ASXL3: variants seen among roughly 807,000 people sequenced by gnomAD.
ASXL3 encodes the protein putative Polycomb group protein ASXL3.
A neutral mutation model predicts 170.6 loss-of-function variants in ASXL3; 34 were observed. That is an observed-to-expected ratio of 0.20 (90% CI 0.15 to 0.27). The LOEUF is 0.27. Ranked by LOEUF, ASXL3 falls within the 10% of genes least tolerant of loss-of-function variation. The pLI, the probability that ASXL3 is intolerant of heterozygous loss-of-function variation, is 1.00. For missense variants in ASXL3, 2,592 were observed against 2,695.3 expected (o/e 0.96, Z 0.85); for synonymous variants, 1,002 against 989.1 (o/e 1.01, Z -0.24).
At chr18:33,600,303 C>T (rs2065170807) in intron 1 of ASXL3, among the ~76,000 whole-genome samples, 1 of 152,032 alleles carries the variant, frequency 6.6e-6, no homozygotes, top group South Asian at 2.1e-4. Context: ...GCCTTTTGAC[C>T]TTACGTGATA....
At chr18:33,662,193 A>T (rs575231146) in intron 5 of ASXL3, among the ~76,000 whole-genome samples, 77 of 152,278 alleles carry the variant, frequency 5.1e-4, no homozygotes, top group Non-Finnish European at 7.4e-4. Context: ...ATATTCATTT[A>T]TGAGTGTTGT....
intron 2 of ASXL3, among the ~76,000 whole-genome samples, chr18:33,637,498 T>C (rs560220348): frequency 6.6e-6 from 1 of 152,182 alleles, no homozygotes; most frequent in Non-Finnish European, 1.5e-5. Context: ...TGGTGGAGTA[T>C]TGACCATTGC....
intron 8 of ASXL3, among the ~76,000 whole-genome samples, chr18:33,684,236 T>A (rs2066557296): frequency 6.6e-6 from 1 of 152,206 alleles, no homozygotes; most frequent in Non-Finnish European, 1.5e-5. Context: ...CAAAATTTAT[T>A]AAGTGCTGTC....
At position 33,746,730 on chromosome 18, in the gene ASXL3, G is replaced by T; in HGVS notation, c.*135G>T. 7.3e-7 allele frequency: 1 copy of T among 1,373,318 alleles called. No individual in the cohort carries two copies. The highest frequency in any genetic ancestry group is 9.6e-7 in the Non-Finnish European group (1 of 1,043,842). The allele number at this position is 1,373,318 out of a possible 1,614,324, so 85.1% of individuals were successfully genotyped here. A position where few individuals can be genotyped will look rare whatever the true frequency, so the allele number is the denominator to read the frequency against. ...TTGGAGCAGGTACCTTTCCTCTATG[G>T]CATTATTTTCTTGCATTTCTCATAA... On this transcript the variant is annotated 3_prime_UTR_variant, in exon 12 of 12. Transcript: ENST00000269197.
intron 4 of ASXL3, among the ~76,000 whole-genome samples, chr18:33,658,851 A>G (rs932487940): frequency 2.0e-5 from 3 of 152,086 alleles, no homozygotes; most frequent in African/African-American, 7.2e-5. Context: ...AAAATGAATC[A>G]TTTTTAGAAC....
intron 8 of ASXL3, among the ~76,000 whole-genome samples, chr18:33,715,855 T>C (rs2067155986): frequency 6.6e-6 from 1 of 152,168 alleles, no homozygotes; most frequent in Non-Finnish European, 1.5e-5. Context: ...GTAGCCATTA[T>C]GTCAGAAATG....
chr18:33,639,815 T>A (rs16964824), intron 2 of ASXL3, among the ~76,000 whole-genome samples: 14,743 of 152,160 alleles, frequency 0.097, 877 homozygotes, highest in African/African-American at 0.16. Context: ...ACAGACATAT[T>A]CATGCCAACA....
intron 10 of ASXL3, among the ~76,000 whole-genome samples, chr18:33,735,727 G>A (rs544938403): frequency 6.6e-5 from 10 of 152,232 alleles, no homozygotes; most frequent in African/African-American, 2.4e-4. Context: ...TTTTAGTAAT[G>A]GCAGAAGCAT....
At chr18:33,706,128 A>G (rs1469101163) in intron 8 of ASXL3, among the ~76,000 whole-genome samples, 2 of 149,612 alleles carry the variant, frequency 1.3e-5, no homozygotes, top group African/African-American at 2.5e-5. Flanking sequence ...TTCATTTTGG[A>G]GTACTTTTAG....
At chr18:33,643,009 A>C (rs2145195578) in intron 2 of ASXL3, among the ~76,000 whole-genome samples, 1 of 152,018 alleles carries the variant, frequency 6.6e-6, no homozygotes, top group East Asian at 1.9e-4. Context: ...CAATTTTATT[A>C]AGTTATATTT....
At chr18:33,720,547 A>T (rs1480472185) in intron 8 of ASXL3, among the ~76,000 whole-genome samples, 2 of 152,128 alleles carry the variant, frequency 1.3e-5, no homozygotes, top group African/African-American at 4.8e-5. Context: ...CTTTTAAAAC[A>T]TACACATTCT....
rs752084130 is a variant in ASXL3, at chr18:33,744,075, A to G, written c.4227A>G (p.Ala1409=). The G allele has an allele frequency of 1.7e-5, 27 of 1,613,910 alleles. No homozygotes were observed. In the East Asian group the frequency reaches 4.2e-4, roughly 25 times the overall value. ...DSVAVTDSLV[A]HPTVAMFTGN... ...TAGCGGTCACAGACTCTCTGGTTGCACACCCGACCGTCGCAATGTTTACTG... is the reference window on the plus strand; with the variant it reads ...TAGCGGTCACAGACTCTCTGGTTGCGCACCCGACCGTCGCAATGTTTACTG... The change falls in exon 12 of 12, where the codon GCA becomes GCG. Residue 1409 remains alanine, a synonymous_variant. Transcript: ENST00000269197.
chr18:33,583,898 T>G (rs866295311), intron 1 of ASXL3, among the ~76,000 whole-genome samples: 2 of 152,198 alleles, frequency 1.3e-5, no homozygotes, highest in African/African-American at 4.8e-5. Context: ...TGTAGGCTCC[T>G]ATGTATATGA....
At position 33,749,239 on chromosome 18, in the gene ASXL3, A is replaced by G. The variant is rs1345131236; in HGVS notation, c.*2644A>G. 1 of 152,144 alleles carries G rather than the reference A, an allele frequency of 6.6e-6. No individual in the cohort carries two copies. Among genetic ancestry groups the G allele is most frequent in the Non-Finnish European group, 1.5e-5 (1 of 68,032 alleles). The allele number at this position is 152,144 out of a possible 1,614,324, so 9.4% of individuals were successfully genotyped here. On this transcript the variant is annotated 3_prime_UTR_variant, in exon 12 of 12. Transcript: ENST00000269197. The stretch of plus-strand genomic sequence containing the variant: ...TTTTATAGGTTTCCATTTAATATAT[A>G]TATACACACAAAATCCAGTATATTC...
At chr18:33,652,135 A>T (rs113131640) in intron 4 of ASXL3, among the ~76,000 whole-genome samples, 1 of 152,038 alleles carries the variant, frequency 6.6e-6, no homozygotes, top group Non-Finnish European at 1.5e-5. Flanking sequence ...TGTAAGTATA[A>T]ATCTGTGCCA....
At chr18:33,686,967 C>G (rs2066606889) in intron 8 of ASXL3, among the ~76,000 whole-genome samples, 1 of 151,964 alleles carries the variant, frequency 6.6e-6, no homozygotes, top group South Asian at 2.1e-4. Flanking sequence ...GAGACAGTTG[C>G]AGTAGTTGAG....
intron 1 of ASXL3, among the ~76,000 whole-genome samples, chr18:33,580,780 C>T (rs1053734112): frequency 6.6e-6 from 1 of 152,062 alleles, no homozygotes; most frequent in African/African-American, 2.4e-5. Flanking sequence ...AACGATAGAC[C>T]AGATGTCTCT....
intron 8 of ASXL3, among the ~76,000 whole-genome samples, chr18:33,686,760 A>G (rs918276279): frequency 2.0e-5 from 3 of 152,210 alleles, no homozygotes; most frequent in Non-Finnish European, 2.9e-5. Context: ...ACCAGTAGGT[A>G]CCATCAAAAA....
chr18:33,617,056 A>C (rs1234921791), intron 2 of ASXL3, among the ~76,000 whole-genome samples: 1 of 152,168 alleles, frequency 6.6e-6, no homozygotes, highest in Non-Finnish European at 1.5e-5. Context: ...TATTTCTAGA[A>C]ATTTTTTGTA....
Sources: gnomAD v4.1 joint callset for allele counts (sites outside exome capture counted in the v4.1 genomes callset) on GRCh38, gnomAD v4.1.1 for gene constraint, MANE v1.5 for transcripts, NCBI Gene and HGNC (gene_info 2026-07-23, HGNC 2026-07-21) for gene names.